The following FSIP1 variants were observed in gnomAD, a reference collection of about 807,000 sequenced individuals.
FSIP1 encodes fibrous sheath interacting protein 1, also known as fibrous sheath-interacting protein 1.
In FSIP1, 65 loss-of-function variants were observed where a neutral mutation model predicts 60.9. The ratio of observed to expected loss-of-function variants is 1.07; its 90% CI spans 0.87 to 1.31. FSIP1 has a LOEUF of 1.31. Among genes scored for constraint, FSIP1 ranks in the 40% most tolerant of loss-of-function variants. The probability of loss-of-function intolerance (pLI) is 0.00; values close to 1 mark genes in which losing one functional copy is unlikely to be tolerated. For synonymous variants in FSIP1, 209 were observed against 221.2 expected (o/e 0.94, Z 0.49); for missense variants, 675 against 665.5 (o/e 1.01, Z -0.16).
At position 39,714,476 on chromosome 15, in the gene FSIP1, G is replaced by A. The variant is rs185525019; in HGVS notation, c.1051-895C>T. ...GCTACTCCCTCATTCCTTACATAGA[G>A]ATGGTCACCAGGAATACTATCTAGT... On this transcript the variant is annotated intron_variant, in intron 9 of 11. Coordinates refer to ENST00000350221, the MANE Select transcript of FSIP1 (RefSeq NM_152597.5). 8.6e-5 allele frequency among the ~76,000 whole-genome samples: 13 copies of A among 150,476 alleles called. No homozygotes were observed. In the East Asian group the frequency reaches 2.3e-3, roughly 27 times the overall value.
chr15:39,711,676 C>CTTTTTTTTTTTTTTTTTTTTTTTTTTT (rs66840718), intron 10 of FSIP1, among the ~76,000 whole-genome samples: 1 of 85,734 alleles, frequency 1.2e-5, no homozygotes, highest in Non-Finnish European at 2.0e-5. Context: ...ATTCCTACTT[C>CTTTTTTTTTTTTTTTTTTTTTTTTTTT]TTTTTTTTTT....
At chr15:39,743,060 T>A (rs1482012591) in intron 5 of FSIP1, among the ~76,000 whole-genome samples, 1 of 152,202 alleles carries the variant, frequency 6.6e-6, no homozygotes, top group Non-Finnish European at 1.5e-5. Flanking sequence ...CATTTTATTA[T>A]CAGTTTAAGT....
intron 1 of FSIP1, among the ~76,000 whole-genome samples, chr15:39,776,978 T>G (rs951355906): frequency 6.6e-6 from 1 of 152,064 alleles, no homozygotes; most frequent in African/African-American, 2.4e-5. Context: ...CAGGCTGGAG[T>G]GCAGTGTCGC....
chr15:39,642,184 C>T (rs1417430658), intron 10 of FSIP1, among the ~76,000 whole-genome samples: 1 of 152,080 alleles, frequency 6.6e-6, no homozygotes, highest in Middle Eastern at 3.2e-3. Flanking sequence ...AAAAAGAATG[C>T]CATAGGACAA....
At chr15:39,665,378 T>C (rs565125113) in intron 10 of FSIP1, among the ~76,000 whole-genome samples, 1 of 152,354 alleles carries the variant, frequency 6.6e-6, no homozygotes, top group South Asian at 2.1e-4. Context: ...AATTGATTTC[T>C]AACTCATCCC....
At chr15:39,740,525 C>G (rs150739635) in intron 6 of FSIP1, among the ~76,000 whole-genome samples, 2 of 152,088 alleles carry the variant, frequency 1.3e-5, no homozygotes, top group Non-Finnish European at 2.9e-5. Context: ...AAAATATGCA[C>G]GAAGAAGGAA....
Position 39,770,580 on chromosome 15 carries a change from T to C in FSIP1, c.157A>G (p.Lys53Glu), listed in dbSNP as rs1897848821. 13 of 1,563,312 alleles carry C rather than the reference T, an allele frequency of 8.3e-6. No homozygotes were observed. The South Asian group carries it at 1.5e-4, about 18-fold the overall frequency. ...VDTASNLNSG[K>E]EDHSESSNTE... ...TTACTGCTTTCGGAGTGGTCCTCTT[T>C]ACCAGAGTTCAAGTTGCTTGCAGTA... Residue 53 changes from lysine to glutamate, a missense_variant, in exon 3 of 12, where the codon AAA becomes GAA. Transcript: ENST00000350221.
At chr15:39,659,627 T>TAAAAAA (rs10648104) in intron 10 of FSIP1, among the ~76,000 whole-genome samples, 1 of 138,014 alleles carries the variant, frequency 7.2e-6, no homozygotes, top group Non-Finnish European at 1.5e-5. Flanking sequence ...GCTGTTATTT[T>TAAAAAA]AAAAAAAAAA....
At chr15:39,643,388 T>C (rs889565065) in intron 10 of FSIP1, among the ~76,000 whole-genome samples, 1 of 152,158 alleles carries the variant, frequency 6.6e-6, no homozygotes, top group Non-Finnish European at 1.5e-5. Flanking sequence ...TTCTAGAAAA[T>C]ATTTGTGCAC....
intron 10 of FSIP1, among the ~76,000 whole-genome samples, chr15:39,673,465 C>T (rs1353035526): frequency 6.6e-6 from 1 of 151,864 alleles, no homozygotes; most frequent in African/African-American, 2.4e-5. Flanking sequence ...AGGCACACGC[C>T]ACCACACCTG....
In FSIP1 at chr15:39,648,660, A is replaced by G. The variant is rs565777369; in HGVS notation, c.1189-30415T>C. Among the ~76,000 whole-genome samples, 60 of 152,344 alleles carry G rather than the reference A, an allele frequency of 3.9e-4. 1 individual carries two copies. In the South Asian group the frequency reaches 0.012, roughly 30 times the overall value. On this transcript the variant is annotated intron_variant, in intron 10 of 11. Transcript: ENST00000350221. ...ATAAGATACTAACATTGGTGCCCAA[A>G]AGTAAAGGTAGGTTGGAAATGGTGA...
At chr15:39,723,679 T>G (rs1300289661) in intron 9 of FSIP1, among the ~76,000 whole-genome samples, 1 of 152,230 alleles carries the variant, frequency 6.6e-6, no homozygotes, top group African/African-American at 2.4e-5. Flanking sequence ...AATTCTTTCT[T>G]AAGGAGTATG....
chr15:39,617,955 CATGTT>C lies in FSIP1; in HGVS notation c.1474_1478del (p.Asn492ValfsTer7), dbSNP rs1891298368. 3.1e-6 allele frequency: 5 copies of C among 1,614,166 alleles called. No individual in the cohort carries two copies. Among genetic ancestry groups the C allele is most frequent in the Non-Finnish European group, 4.2e-6 (5 of 1,180,026 alleles). The stretch of plus-strand genomic sequence containing the variant: ...CTGCTTCAGTGACAAGAGCTTCTGA[CATGTT>C]ATGTCCAGTCAAGGCTTTAGTGAGA... On this transcript the variant is annotated frameshift_variant, in exon 11 of 12. Coordinates refer to ENST00000350221, the MANE Select transcript of FSIP1 (RefSeq NM_152597.5). LOFTEE classifies it high-confidence loss of function.
chr15:39,626,389 C>G (rs1460342765), intron 10 of FSIP1, among the ~76,000 whole-genome samples: 1 of 152,138 alleles, frequency 6.6e-6, no homozygotes, highest in Non-Finnish European at 1.5e-5. Context: ...GGAGTGTATC[C>G]AAAACCCTCC....
At position 39,618,027 on chromosome 15, in the gene FSIP1, A is replaced by ATC; in HGVS notation, c.1405_1406dup (p.Asp469GlufsTer21). ...CTTCACATTCTTCACTCTCAAGCAT[A>ATC]TCTGCATCTTCTACCTCAGTTTTCT... On this transcript the variant is annotated frameshift_variant, in exon 11 of 12. Coordinates refer to ENST00000350221, the MANE Select transcript of FSIP1 (RefSeq NM_152597.5). LOFTEE classifies it high-confidence loss of function. 2 of 1,614,206 alleles carry ATC rather than the reference A, an allele frequency of 1.2e-6. No homozygotes were observed. The highest frequency in any genetic ancestry group is 2.2e-5 in the South Asian group (2 of 91,088).
chr15:39,631,329 T>C (rs1291357876), intron 10 of FSIP1, among the ~76,000 whole-genome samples: 1 of 152,116 alleles, frequency 6.6e-6, no homozygotes, highest in Non-Finnish European at 1.5e-5. Flanking sequence ...CCACATGACT[T>C]TGTATGACAA....
intron 10 of FSIP1, among the ~76,000 whole-genome samples, chr15:39,620,239 T>C (rs1178673082): frequency 6.6e-6 from 1 of 152,176 alleles, no homozygotes. Context: ...AATGATAATA[T>C]AAATACTGAT....
intron 10 of FSIP1, among the ~76,000 whole-genome samples, chr15:39,627,332 T>C (rs915782247): frequency 6.6e-6 from 1 of 152,144 alleles, no homozygotes; most frequent in Non-Finnish European, 1.5e-5. Context: ...AAGTCACCCA[T>C]GGGTACAGCA....
chr15:39,775,508 G>T (rs1898024579), intron 2 of FSIP1, among the ~76,000 whole-genome samples: 1 of 151,918 alleles, frequency 6.6e-6, no homozygotes, highest in South Asian at 2.1e-4. Context: ...AAAAGGGACT[G>T]CTGAAGAAAA....
Sources: gnomAD v4.1 joint callset for allele counts (sites outside exome capture counted in the v4.1 genomes callset) on GRCh38, gnomAD v4.1.1 for gene constraint, MANE v1.5 for transcripts, NCBI Gene and HGNC (gene_info 2026-07-23, HGNC 2026-07-21) for gene names.